CNTN4: variants seen among roughly 807,000 people sequenced by gnomAD.
CNTN4 encodes the protein contactin 4.
In CNTN4, 77 loss-of-function variants were observed where a neutral mutation model predicts 122.5. The ratio of observed to expected loss-of-function variants is 0.63; its 90% CI spans 0.52 to 0.76. The LOEUF is 0.76. CNTN4 is among the 30% of genes least tolerant of loss of function. The pLI is 0.00. For synonymous variants in CNTN4, 512 were observed against 447.0 expected, an observed-to-expected ratio of 1.15 and a Z score of -1.83; for missense variants, 1,256 against 1,259.1, an observed-to-expected ratio of 1.00 and a Z score of 0.04.
At chr3:2,219,215 G>A (rs1441140461) in intron 2 of CNTN4, among the ~76,000 whole-genome samples, 3 of 152,086 alleles carry the variant, frequency 2.0e-5, no homozygotes, top group Non-Finnish European at 4.4e-5. Context: ...ATTTTAACCA[G>A]TTCCTTGTTT....
At chr3:2,315,199 A>T (rs1017612674) in intron 2 of CNTN4, among the ~76,000 whole-genome samples, 2 of 121,530 alleles carry the variant, frequency 1.6e-5, no homozygotes, top group African/African-American at 5.3e-5. Context: ...ATTGAGCATA[A>T]ATCAGCTCCA....
chr3:2,249,227 T>G (rs1453992610), intron 2 of CNTN4, among the ~76,000 whole-genome samples: 1 of 151,906 alleles, frequency 6.6e-6, no homozygotes, highest in Non-Finnish European at 1.5e-5. Context: ...TTAGAGGGAT[T>G]GATGAACTAT....
chr3:2,828,148 T>G (rs1158700689), intron 7 of CNTN4, among the ~76,000 whole-genome samples: 1 of 152,108 alleles, frequency 6.6e-6, no homozygotes, highest in Non-Finnish European at 1.5e-5. Flanking sequence ...TGTGTGCGTG[T>G]GTGTATAATG....
intron 2 of CNTN4, among the ~76,000 whole-genome samples, chr3:2,219,351 G>A (rs557085218): frequency 1.3e-5 from 2 of 152,258 alleles, no homozygotes; most frequent in Admixed American, 1.3e-4. Context: ...CTAGAAATAT[G>A]CATGAACCAG....
At position 2,798,467 on chromosome 3, in the gene CNTN4, T is replaced by C. The variant is rs368581572; in HGVS notation, c.359-21019T>C. On this transcript the variant is annotated intron_variant, in intron 6 of 24. Transcript: ENST00000418658. Reference sequence around the variant, plus strand: ...GACATTTGGGTTGATTCCATATCTTTGCTATTGTGAATAGGGCTGCTATAA... The same window carrying C: ...GACATTTGGGTTGATTCCATATCTTCGCTATTGTGAATAGGGCTGCTATAA... Among the ~76,000 whole-genome samples, 19 of 152,084 alleles carry C rather than the reference T, an allele frequency of 1.2e-4. 2 individuals are homozygous for C. The highest frequency in any genetic ancestry group is 8.3e-4 in the South Asian group (4 of 4,822).
intron 3 of CNTN4, among the ~76,000 whole-genome samples, chr3:2,437,009 G>T (rs2048280852): frequency 6.6e-6 from 1 of 151,836 alleles, no homozygotes; most frequent in African/African-American, 2.4e-5. Context: ...AGTATAGAAT[G>T]GTGGACTTGG....
intron 2 of CNTN4, among the ~76,000 whole-genome samples, chr3:2,170,731 T>C (rs986016703): frequency 9.9e-5 from 15 of 152,270 alleles, no homozygotes; most frequent in Admixed American, 3.9e-4. Context: ...TTACTAGATA[T>C]AAATATGAAT....
intron 2 of CNTN4, among the ~76,000 whole-genome samples, chr3:2,153,985 CCTTAT>C (rs1192428597): frequency 6.6e-5 from 10 of 152,214 alleles, no homozygotes; most frequent in African/African-American, 1.9e-4. Flanking sequence ...TTTAGCTCTA[CCTTAT>C]CTTATATAAA....
At chr3:2,362,952 T>C (rs1393129387) in intron 3 of CNTN4, among the ~76,000 whole-genome samples, 1 of 150,904 alleles carries the variant, frequency 6.6e-6, no homozygotes, top group African/African-American at 2.5e-5. Flanking sequence ...TTGAAGAACA[T>C]TACAGACTGT....
intron 4 of CNTN4, among the ~76,000 whole-genome samples, chr3:2,683,088 C>G (rs1298056873): frequency 6.6e-6 from 1 of 152,068 alleles, no homozygotes; most frequent in African/African-American, 2.4e-5. Context: ...AAACAATCCA[C>G]CACCATTATT....
chr3:2,533,435 C>G (rs909151777), intron 3 of CNTN4, among the ~76,000 whole-genome samples: 2 of 152,082 alleles, frequency 1.3e-5, no homozygotes, highest in African/African-American at 4.8e-5. Flanking sequence ...TTTCCAGCAT[C>G]ATCCATGTCC....
chr3:2,593,178 A>G (rs2080583352), intron 4 of CNTN4, among the ~76,000 whole-genome samples: 1 of 152,332 alleles, frequency 6.6e-6, no homozygotes, highest in Admixed American at 6.5e-5. Context: ...ACATCTATTT[A>G]TGTAACAAGC....
At chr3:3,048,657 C>T (rs1380445505) in intron 23 of CNTN4, among the ~76,000 whole-genome samples, 2 of 152,096 alleles carry the variant, frequency 1.3e-5, no homozygotes, top group Non-Finnish European at 2.9e-5. Flanking sequence ...GAATAAAAAG[C>T]GGATCTGATT....
chr3:2,595,842 A>C (rs1020795292), intron 4 of CNTN4, among the ~76,000 whole-genome samples: 2 of 152,182 alleles, frequency 1.3e-5, no homozygotes, highest in African/African-American at 4.8e-5. Flanking sequence ...CAGGTATAAA[A>C]ATTTTCTCAA....
chr3:2,583,494 T>C (rs541771125), intron 4 of CNTN4, among the ~76,000 whole-genome samples: 2 of 152,370 alleles, frequency 1.3e-5, no homozygotes, highest in African/African-American at 4.8e-5. Context: ...ATAACATGTC[T>C]AAGCTCTATA....
At chr3:2,124,255 A>G (rs989986132) in intron 2 of CNTN4, among the ~76,000 whole-genome samples, 3 of 152,166 alleles carry the variant, frequency 2.0e-5, no homozygotes, top group African/African-American at 7.2e-5. Context: ...ATAAGATGCC[A>G]GCATCAACTT....
chr3:2,464,630 G>A (rs1161193122), intron 3 of CNTN4, among the ~76,000 whole-genome samples: 1 of 152,166 alleles, frequency 6.6e-6, no homozygotes, highest in African/African-American at 2.4e-5. Flanking sequence ...ACATTATTGG[G>A]ATTTTACATT....
chr3:2,675,126 A>G (rs1160256751), intron 4 of CNTN4, among the ~76,000 whole-genome samples: 1 of 143,104 alleles, frequency 7.0e-6, no homozygotes, highest in African/African-American at 2.8e-5. Context: ...TACCACATAT[A>G]TATGTATTTT....
intron 2 of CNTN4, among the ~76,000 whole-genome samples, chr3:2,318,230 A>G (rs557217752): frequency 3.3e-5 from 5 of 152,070 alleles, no homozygotes; most frequent in African/African-American, 1.2e-4. Flanking sequence ...AAAAAAAAAA[A>G]AAAAAGAGTA....
Sources: gnomAD v4.1 joint callset for allele counts (sites outside exome capture counted in the v4.1 genomes callset) on GRCh38, gnomAD v4.1.1 for gene constraint, MANE v1.5 for transcripts, NCBI Gene and HGNC (gene_info 2026-07-23, HGNC 2026-07-21) for gene names.